CNTN1: variants seen among roughly 807,000 people sequenced by gnomAD.
The protein encoded by CNTN1 is contactin-1.
CNTN1 carries 38 observed loss-of-function variants against 126.4 expected under a neutral mutation model. That is an observed-to-expected ratio of 0.30 (90% CI 0.23 to 0.39). The LOEUF (loss-of-function observed/expected upper bound fraction) is 0.39, where lower values mean the gene tolerates loss of function less well. Ranked by LOEUF, CNTN1 falls within the 10% of genes least tolerant of loss-of-function variation. The probability of loss-of-function intolerance (pLI) is 1.00; values close to 1 mark genes in which losing one functional copy is unlikely to be tolerated. For synonymous variants in CNTN1, 413 were observed against 422.6 expected (o/e 0.98, Z 0.28); for missense variants, 1,009 against 1,248.4 (o/e 0.81, Z 2.89).
chr12:41,008,547 A>T (rs1263895663), intron 17 of CNTN1, among the ~76,000 whole-genome samples: 2 of 152,108 alleles, frequency 1.3e-5, no homozygotes, highest in African/African-American at 4.8e-5. Context: ...TTTAGTGTTA[A>T]CCCTAGCTAA....
intron 23 of CNTN1, among the ~76,000 whole-genome samples, chr12:41,030,783 T>G (rs2120866052): frequency 6.6e-6 from 1 of 152,320 alleles, no homozygotes; most frequent in Middle Eastern, 3.4e-3. Flanking sequence ...TGAGTATAAG[T>G]GCTTTTCTCA....
intron 1 of CNTN1, among the ~76,000 whole-genome samples, chr12:40,887,416 CTCG>C (rs1944077960): frequency 6.6e-6 from 1 of 152,154 alleles, no homozygotes. Flanking sequence ...TGAAAAAATG[CTCG>C]TCGTCACTGG....
rs1945523332 is a variant in CNTN1 at position 40,923,464 on chromosome 12, A to G, written c.400+1036A>G. Reference sequence around the variant, plus strand: ...GGTCCAGGAAGAGAAGTAAGATTAAATTAGTGTGGTGAGAGTGGAAATGTA... The same window carrying G: ...GGTCCAGGAAGAGAAGTAAGATTAAGTTAGTGTGGTGAGAGTGGAAATGTA... On this transcript the variant is annotated intron_variant, in intron 5 of 23. Coordinates refer to ENST00000551295, the MANE Select transcript of CNTN1 (RefSeq NM_001843.4). Among the ~76,000 whole-genome samples, 3 of 152,300 alleles carry G rather than the reference A, an allele frequency of 2.0e-5. No individual in the cohort carries two copies. In the South Asian group the frequency reaches 6.2e-4, roughly 32 times the overall value.
intron 15 of CNTN1, among the ~76,000 whole-genome samples, chr12:40,966,577 G>A (rs184937206): frequency 1.4e-4 from 22 of 152,228 alleles, no homozygotes; most frequent in Admixed American, 1.4e-3. Context: ...GAACTTAGTG[G>A]TTATTTAAAC....
At chr12:40,817,320 T>A (rs540506986) in intron 1 of CNTN1, among the ~76,000 whole-genome samples, 1 of 152,132 alleles carries the variant, frequency 6.6e-6, no homozygotes, top group South Asian at 2.1e-4. Flanking sequence ...GTTTTATGAA[T>A]CTTAGTGCTC....
chr12:40,972,880 A>G (rs766428780), intron 15 of CNTN1, among the ~76,000 whole-genome samples: 6 of 152,072 alleles, frequency 3.9e-5, no homozygotes, highest in Non-Finnish European at 7.4e-5. Context: ...ATTTTATTTT[A>G]TTATTACACT....
intron 1 of CNTN1, among the ~76,000 whole-genome samples, chr12:40,839,696 TAA>T (rs1437139659): frequency 3.3e-5 from 5 of 152,254 alleles, no homozygotes; most frequent in East Asian, 1.9e-4. Context: ...GACGTAGAAA[TAA>T]AGTCTTTCCT....
At chr12:40,707,227 CTTTTTTTTTTTTTTTTTTTTT>C (rs370984371) in intron 1 of CNTN1, among the ~76,000 whole-genome samples, 5 of 109,166 alleles carry the variant, frequency 4.6e-5, no homozygotes, top group African/African-American at 7.7e-5. Flanking sequence ...TTTTCTTTTT[CTTTTTTTTTTTTTTTTTTTTT>C]TTTTTTTTTT....
chr12:40,904,845 A>G (rs1944753554), intron 1 of CNTN1, among the ~76,000 whole-genome samples: 2 of 152,226 alleles, frequency 1.3e-5, no homozygotes, highest in African/African-American at 2.4e-5. Flanking sequence ...TCTGTGTGTC[A>G]GGCATTAGCG....
intron 17 of CNTN1, among the ~76,000 whole-genome samples, chr12:41,010,814 T>C (rs1448192208): frequency 2.0e-5 from 3 of 152,184 alleles, no homozygotes; most frequent in African/African-American, 7.2e-5. Context: ...CATTAAATGG[T>C]GTTTCCTTTT....
intron 1 of CNTN1, among the ~76,000 whole-genome samples, chr12:40,856,312 G>T (rs544991272): frequency 1.3e-5 from 2 of 152,182 alleles, no homozygotes; most frequent in South Asian, 2.1e-4. Flanking sequence ...GAAAGAAAGA[G>T]AAATATAAGG....
At chr12:40,863,843 A>G (rs564120769) in intron 1 of CNTN1, among the ~76,000 whole-genome samples, 5 of 152,060 alleles carry the variant, frequency 3.3e-5, no homozygotes, top group South Asian at 2.1e-4. Context: ...ACCTGGTGCC[A>G]AAGAGATTGG....
At chr12:40,878,118 C>A (rs778031649) in intron 1 of CNTN1, among the ~76,000 whole-genome samples, 48 of 151,228 alleles carry the variant, frequency 3.2e-4, no homozygotes, top group Non-Finnish European at 5.5e-4. Flanking sequence ...CTGCCTCAGC[C>A]TCCCGAGTAG....
intron 17 of CNTN1, among the ~76,000 whole-genome samples, chr12:41,008,795 G>A (rs1052213782): frequency 5.3e-5 from 8 of 152,110 alleles, no homozygotes; most frequent in Non-Finnish European, 1.0e-4. Context: ...TTTAGGACAA[G>A]TATTTCTCAT....
Position 41,071,458 on chromosome 12 carries a change from G to A in CNTN1, c.*1423G>A, listed in dbSNP as rs1320716384. ...TTAGCACAAACTTGCTAGCTAATTAGAGTTTATCTTTTTAGAAAGGACACC... is the reference window on the plus strand; with the variant it reads ...TTAGCACAAACTTGCTAGCTAATTAAAGTTTATCTTTTTAGAAAGGACACC... On this transcript the variant is annotated 3_prime_UTR_variant, in exon 24 of 24. Transcript: ENST00000551295. 1 of 152,158 alleles carries A rather than the reference G, an allele frequency of 6.6e-6. No homozygotes were observed. The highest frequency in any genetic ancestry group is 1.5e-5 in the Non-Finnish European group (1 of 68,014). 9.4% of individuals were successfully genotyped at this position (152,158 alleles called of 1,614,324 possible).
At chr12:40,956,929 G>A (rs1018780789) in intron 14 of CNTN1, among the ~76,000 whole-genome samples, 1 of 151,936 alleles carries the variant, frequency 6.6e-6, no homozygotes, top group Non-Finnish European at 1.5e-5. Flanking sequence ...TGGGTAGTTT[G>A]GACAAGAGGC....
intron 16 of CNTN1, among the ~76,000 whole-genome samples, chr12:40,982,222 A>G (rs1447064467): frequency 6.6e-6 from 1 of 152,166 alleles, no homozygotes; most frequent in Non-Finnish European, 1.5e-5. Flanking sequence ...TTTCCATTAC[A>G]TTATGCTTAT....
intron 1 of CNTN1, among the ~76,000 whole-genome samples, chr12:40,857,941 G>C (rs1314294659): frequency 6.6e-6 from 1 of 152,114 alleles, no homozygotes; most frequent in Non-Finnish European, 1.5e-5. Context: ...CACAAATTTA[G>C]CAACTGTTAA....
chr12:40,968,472 G>A (rs1947383247), intron 15 of CNTN1, among the ~76,000 whole-genome samples: 1 of 151,912 alleles, frequency 6.6e-6, no homozygotes, highest in African/African-American at 2.4e-5. Context: ...GTACTAGATG[G>A]CTTGAAAGCT....
Sources: gnomAD v4.1 joint callset for allele counts (sites outside exome capture counted in the v4.1 genomes callset) on GRCh38, gnomAD v4.1.1 for gene constraint, MANE v1.5 for transcripts, NCBI Gene and HGNC (gene_info 2026-07-23, HGNC 2026-07-21) for gene names.